ZNF532: variants seen among roughly 807,000 people sequenced by gnomAD.
ZNF532 encodes the protein zinc finger protein 532.
ZNF532 carries 22 observed loss-of-function variants against 89.3 expected under a neutral mutation model. The ratio of observed to expected loss-of-function variants is 0.25; its 90% CI spans 0.18 to 0.35. The LOEUF (loss-of-function observed/expected upper bound fraction) is 0.35, where lower values mean the gene tolerates loss of function less well. ZNF532 is among the 10% of genes least tolerant of loss of function. The pLI is 1.00. For synonymous variants in ZNF532, 606 were observed against 649.6 expected (o/e 0.93, Z 1.02); for missense variants, 1,132 against 1,643.4 (o/e 0.69, Z 5.38).
In ZNF532 at chr18:58,902,181, C is replaced by T. The variant is rs567495613; in HGVS notation, c.-17-16090C>T. ...GGTCTGTGAGCCCGGCCCTGTGCAG[C>T]GGTGTTGTCTGTGTCAGCATGGTGT... On this transcript the variant is annotated intron_variant, in intron 2 of 9. Coordinates refer to ENST00000591808, the MANE Select transcript of ZNF532 (RefSeq NM_001375912.1). Among the ~76,000 whole-genome samples the T allele has an allele frequency of 1.1e-4, 17 of 152,108 alleles. No homozygotes were observed. In the South Asian group the frequency reaches 2.5e-3, roughly 22 times the overall value.
At chr18:58,953,174 G>A (rs1035975948) in intron 6 of ZNF532, 9 of 179,120 alleles carry the variant, frequency 5.0e-5, no homozygotes, top group Non-Finnish European at 3.5e-5. Context: ...GAGTTGTTCC[G>A]AAATGGTTTG....
intron 2 of ZNF532, among the ~76,000 whole-genome samples, chr18:58,910,384 T>C (rs1174762580): frequency 6.6e-6 from 1 of 152,192 alleles, no homozygotes; most frequent in Non-Finnish European, 1.5e-5. Context: ...ATGACCAAAA[T>C]TACAGTTGGT....
In ZNF532 at chr18:58,875,678, G is replaced by T. The variant is rs564926363; in HGVS notation, c.-18+10099G>T. ...GCCTTATACTTACTGTCCCCTGTAA[G>T]GTTATACTTCACATTCCTGTTGAGA... On this transcript the variant is annotated intron_variant, in intron 2 of 9. Transcript: ENST00000591808. Among the ~76,000 whole-genome samples the T allele has an allele frequency of 1.3e-5, 2 of 152,148 alleles. 1 individual carries two copies. The highest frequency in any genetic ancestry group is 4.1e-4 in the South Asian group (2 of 4,830).
chr18:58,904,296 G>A (rs1217053339), intron 2 of ZNF532, among the ~76,000 whole-genome samples: 1 of 151,568 alleles, frequency 6.6e-6, no homozygotes, highest in Non-Finnish European at 1.5e-5. Context: ...AGGCTGCAGT[G>A]AGCCGAGATC....
rs1327030485 is a variant in ZNF532 at position 58,934,492 on chromosome 18, G to T, written c.2406G>T (p.Gln802His). The stretch of plus-strand genomic sequence containing the variant: ...ACCAGTGCAGTTATGCATCACACCA[G>T]AGAATCCATCAGCACAAATCTCCCT... ...LPNQCSYASH[Q>H]RIHQHKSPYT... The change falls in exon 4 of 10, where the codon CAG becomes CAT. Residue 802 changes from glutamine (Q) to histidine (H), a missense_variant. Transcript: ENST00000591808. 1 of 1,614,008 alleles carries T rather than the reference G, an allele frequency of 6.2e-7. No homozygotes were observed. The highest frequency in any genetic ancestry group is 8.5e-7 in the Non-Finnish European group (1 of 1,180,012).
At chr18:58,940,958 A>ACACACACACACT (rs1209329621) in intron 5 of ZNF532, among the ~76,000 whole-genome samples, 113 of 131,780 alleles carry the variant, frequency 8.6e-4, no homozygotes, top group Middle Eastern at 4.2e-3. Flanking sequence ...ACACACACAC[A>ACACACACACACT]CTCTTTCTCT....
In ZNF532 at chr18:58,983,205, C is replaced by T. The variant is rs540156730; in HGVS notation, c.3412-767C>T. Among the ~76,000 whole-genome samples the T allele has an allele frequency of 1.6e-4, 25 of 152,124 alleles. 1 individual carries two copies. In the South Asian group the frequency reaches 4.2e-3, roughly 25 times the overall value. On this transcript the variant is annotated intron_variant, in intron 9 of 9. Transcript: ENST00000591808. ...AGCAGAAAAGCTGGGGCACAGAGTG[C>T]GGAGAGGAGGGGCACGTTGGCTTGG...
chr18:58,888,824 T>TAA (rs2058608268), intron 2 of ZNF532, among the ~76,000 whole-genome samples: 1 of 52,044 alleles, frequency 1.9e-5, no homozygotes, highest in Non-Finnish European at 2.9e-5. Flanking sequence ...ATTATATATA[T>TAA]AAATTATATA....
chr18:58,951,059 G>A (rs2064113025), intron 6 of ZNF532, among the ~76,000 whole-genome samples: 1 of 151,964 alleles, frequency 6.6e-6, no homozygotes, highest in African/African-American at 2.4e-5. Context: ...GGGCTCAGGT[G>A]ATCCTCCAAC....
intron 2 of ZNF532, among the ~76,000 whole-genome samples, chr18:58,915,736 C>A (rs1304084044): frequency 6.6e-6 from 1 of 152,246 alleles, no homozygotes; most frequent in African/African-American, 2.4e-5. Flanking sequence ...CAGACAGTCG[C>A]ACTGCCGACC....
Position 58,953,674 on chromosome 18 carries a change from T to A in ZNF532, c.3025T>A (p.Ser1009Thr). ...AGAGAAATTGGAAAAGAAATCTCCA[T>A]CTCCTGTGAAAAAATCAATGGAAAC... ...GKEKLEKKSP[S>T]PVKKSMETKK... The change falls in exon 7 of 10, where the codon TCT (serine) becomes ACT (threonine). Residue 1009 changes from serine (S) to threonine (T), a missense_variant. By Grantham distance (58) the Ser-to-Thr change is moderately conservative. This residue lies in a region of ZNF532 where 415 missense variants were observed against 604.8 expected (regional missense o/e 0.69). Coordinates refer to ENST00000591808, the MANE Select transcript of ZNF532 (RefSeq NM_001375912.1). 2 of 1,613,976 alleles carry A rather than the reference T, an allele frequency of 1.2e-6. No homozygotes were observed. The highest frequency in any genetic ancestry group is 1.7e-6 in the Non-Finnish European group (2 of 1,179,874).
Position 58,985,541 on chromosome 18 carries a change from G to A in ZNF532, c.*1075G>A, listed in dbSNP as rs867787507. ...CACCGACTTATCAATGCAGCCGCCT[G>A]TGTATTGCAATTGGCCGTTACCTTA... On this transcript the variant is annotated 3_prime_UTR_variant, in exon 10 of 10. Transcript: ENST00000591808. The A allele has an allele frequency of 5.2e-5, 8 of 152,698 alleles. No homozygotes were observed. The highest frequency in any genetic ancestry group is 2.1e-4 in the South Asian group (1 of 4,818). The allele number at this position is 152,698 out of a possible 1,614,324, so 9.5% of individuals were successfully genotyped here.
intron 8 of ZNF532, chr18:58,980,778 G>C (rs1268836742): frequency 1.3e-5 from 2 of 152,324 alleles, no homozygotes; most frequent in Non-Finnish European, 2.9e-5. Context: ...GAGTAGCTGG[G>C]ATTACAGGCA....
intron 2 of ZNF532, among the ~76,000 whole-genome samples, chr18:58,910,201 C>T (rs1430531945): frequency 6.6e-6 from 1 of 152,176 alleles, no homozygotes; most frequent in East Asian, 1.9e-4. Context: ...AATTATCATT[C>T]GTACAATACT....
chr18:58,882,022 A>G (rs548112669), intron 2 of ZNF532, among the ~76,000 whole-genome samples: 7 of 152,080 alleles, frequency 4.6e-5, no homozygotes, highest in African/African-American at 7.2e-5. Flanking sequence ...CAGTGGTGCA[A>G]TCTCAGCTTA....
chr18:58,911,360 T>C (rs1005548079), intron 2 of ZNF532, among the ~76,000 whole-genome samples: 3 of 152,334 alleles, frequency 2.0e-5, no homozygotes, highest in Admixed American at 6.5e-5. Flanking sequence ...CTGGTGACTA[T>C]GATTTTTTAA....
intron 5 of ZNF532, among the ~76,000 whole-genome samples, chr18:58,940,727 C>T (rs753862137): frequency 3.9e-5 from 6 of 152,122 alleles, no homozygotes; most frequent in Non-Finnish European, 7.4e-5. Context: ...TGTGTGTCTT[C>T]GCTCCCTCCT....
At chr18:58,906,344 C>G (rs2059934688) in intron 2 of ZNF532, among the ~76,000 whole-genome samples, 1 of 152,156 alleles carries the variant, frequency 6.6e-6, no homozygotes, top group Non-Finnish European at 1.5e-5. Flanking sequence ...TAACACAACA[C>G]TACTTTATTT....
At chr18:58,876,098 A>ATT (rs972485636) in intron 2 of ZNF532, among the ~76,000 whole-genome samples, 1 of 151,072 alleles carries the variant, frequency 6.6e-6, no homozygotes, top group Admixed American at 6.6e-5. Flanking sequence ...ATGCCCGGCT[A>ATT]TTTTTTTTGT....
Sources: gnomAD v4.1 joint callset for allele counts (sites outside exome capture counted in the v4.1 genomes callset) on GRCh38, gnomAD v4.1.1 for gene constraint, gnomAD v4.1.1 regional missense constraint, MANE v1.5 for transcripts, NCBI Gene and HGNC (gene_info 2026-07-23, HGNC 2026-07-21) for gene names.